FREM1: variants seen among roughly 807,000 people sequenced by gnomAD.
FREM1 encodes FRAS1 related extracellular matrix 1.
FREM1 carries 220 observed loss-of-function variants against 210.1 expected under a neutral mutation model. The observed-to-expected ratio is 1.05, with a 90% confidence interval of 0.94 to 1.17. The LOEUF (loss-of-function observed/expected upper bound fraction) is 1.17. Among genes scored for constraint, FREM1 ranks in the 50% most tolerant of loss-of-function variants. FREM1 has a pLI of 0.00. For synonymous variants in FREM1, 1,189 were observed against 980.2 expected (o/e 1.21, Z -3.98); for missense variants, 3,454 against 2,675.5 (o/e 1.29, Z -6.42).
chr9:14,894,672 T>C (rs1334682461), intron 1 of FREM1, among the ~76,000 whole-genome samples: 2 of 152,242 alleles, frequency 1.3e-5, no homozygotes, highest in African/African-American at 4.8e-5. Flanking sequence ...AAGAAAACTT[T>C]TCTATTAAGC....
rs1420959223 is a variant in FREM1, at chr9:14,805,036, G to A, written c.3391C>T (p.His1131Tyr). ...ATAGAAAATGGTATCTCCAAGGAGTGATGCTTCCCATCTGTGACGTACACC... is the reference window on the plus strand; with the variant it reads ...ATAGAAAATGGTATCTCCAAGGAGTAATGCTTCCCATCTGTGACGTACACC... ...FTVYVTDGKH[H>Y]SLEIPFSIII... Residue 1131 changes from histidine (H) to tyrosine (Y), a missense_variant, in exon 19 of 37, where the codon CAC becomes TAC. Physicochemically the swap from His to Tyr is moderately conservative, Grantham distance 83. Transcript: ENST00000380880. The A allele has an allele frequency of 6.2e-7, 1 of 1,613,430 alleles. No individual in the cohort carries two copies. The highest frequency in any genetic ancestry group is 8.5e-7 in the Non-Finnish European group (1 of 1,179,484).
intron 1 of FREM1, among the ~76,000 whole-genome samples, chr9:14,880,620 AAG>A (rs1268554693): frequency 6.6e-6 from 1 of 150,456 alleles, no homozygotes; most frequent in African/African-American, 2.5e-5. Context: ...AAAAAAAAAA[AAG>A]TACAAAAATT....
chr9:14,891,599 T>C (rs1275295515), intron 1 of FREM1, among the ~76,000 whole-genome samples: 1 of 152,104 alleles, frequency 6.6e-6, no homozygotes, highest in Non-Finnish European at 1.5e-5. Context: ...GTAAGTGCAG[T>C]AATGGTGAGA....
chr9:14,772,840 A>C (rs190455087), intron 25 of FREM1, among the ~76,000 whole-genome samples: 8 of 152,332 alleles, frequency 5.3e-5, no homozygotes, highest in Non-Finnish European at 1.0e-4. Context: ...GTTGATACTA[A>C]ATGAATAGTT....
intron 3 of FREM1, 26 bp from the exon 4 acceptor site, chr9:14,859,510 A>G (rs755927218): frequency 5.1e-6 from 8 of 1,582,242 alleles, no homozygotes; most frequent in African/African-American, 1.3e-5. Flanking sequence ...GGCAAAAGCA[A>G]TATTAATTGG....
chr9:14,898,718 G>A (rs1838223910), intron 1 of FREM1, among the ~76,000 whole-genome samples: 6 of 152,136 alleles, frequency 3.9e-5, no homozygotes, highest in Non-Finnish European at 8.8e-5. Context: ...TTCCAGCCTG[G>A]GCGACAGAGA....
At chr9:14,883,029 A>G (rs1009642186) in intron 1 of FREM1, among the ~76,000 whole-genome samples, 5 of 151,866 alleles carry the variant, frequency 3.3e-5, no homozygotes, top group African/African-American at 1.2e-4. Flanking sequence ...TAACATTATT[A>G]TTACAAAATA....
chr9:14,797,712 T>C (rs1008055173), intron 20 of FREM1, 70 bp from the exon 21 acceptor site: 18 of 1,317,460 alleles, frequency 1.4e-5, no homozygotes, highest in Non-Finnish European at 1.6e-5. Flanking sequence ...TCACAGATAA[T>C]GTCTTAATTT....
rs377328964 is a variant in FREM1, at chr9:14,801,888, C to G, written c.3472-14G>C. 1.5e-5 allele frequency: 24 copies of G among 1,579,390 alleles called. No individual in the cohort carries two copies. Among genetic ancestry groups the G allele is most frequent in the Non-Finnish European group, 2.1e-5 (24 of 1,158,592 alleles). The stretch of plus-strand genomic sequence containing the variant: ...ACCCTCACACACCTGAGCAAGAACA[C>G]ATGAGAAAAGTCAACAATGCATAAA... On this transcript the variant is annotated splice_polypyrimidine_tract_variant and intron_variant, in intron 19 of 36. Transcript: ENST00000380880.
rs1785209428 is a variant in FREM1 at position 14,751,420 on chromosome 9, G to A, written c.5408-1144C>T. 1.3e-5 allele frequency among the ~76,000 whole-genome samples: 2 copies of A among 152,104 alleles called. 1 individual carries two copies. Among genetic ancestry groups the A allele is most frequent in the Non-Finnish European group, 2.9e-5 (2 of 68,014 alleles). On this transcript the variant is annotated intron_variant, in intron 29 of 36. Coordinates refer to ENST00000380880, the MANE Select transcript of FREM1 (RefSeq NM_001379081.2). ...TCCCAGCACTTTGGCAGGCCAAGGC[G>A]GGCAGATCACTTGAGCTCAGGAGTT...
chr9:14,761,202 G>A lies in FREM1; in HGVS notation c.5205-1301C>T, dbSNP rs116717417. Among the ~76,000 whole-genome samples the A allele has an allele frequency of 5.1e-3, 784 of 152,238 alleles. 7 individuals carry two copies. Among genetic ancestry groups the A allele is most frequent in the African/African-American group, 0.018 (743 of 41,548 alleles). The stretch of plus-strand genomic sequence containing the variant: ...GGAAGTTTGTCTTCAAATAACCACT[G>A]TGTCCACACTGATCATGTGTCATAA... On this transcript the variant is annotated intron_variant, in intron 27 of 36. Transcript: ENST00000380880.
intron 5 of FREM1, among the ~76,000 whole-genome samples, chr9:14,854,260 A>C (rs1436324917): frequency 1.3e-5 from 2 of 152,224 alleles, no homozygotes; most frequent in Non-Finnish European, 2.9e-5. Context: ...TTTTTTAATT[A>C]GCAAGAAAGC....
rs1824626524 is a variant in FREM1 at position 14,836,427 on chromosome 9, G to T, written c.1881+5020C>A. Among the ~76,000 whole-genome samples the T allele has an allele frequency of 6.6e-6, 1 of 152,152 alleles. No individual in the cohort carries two copies. Among genetic ancestry groups the T allele is most frequent in the South Asian group, 2.1e-4 (1 of 4,830 alleles). ...GATGCACTTTTAAATGAAACATGCT[G>T]CTTTTGGATTAACACCTAGTAAAGG... On this transcript the variant is annotated intron_variant, in intron 10 of 36. Transcript: ENST00000380880. This position sits in a 1 kb window ranked among gnomAD's most constrained non-coding sequence, Gnocchi z 4.9.
intron 36 of FREM1, among the ~76,000 whole-genome samples, chr9:14,739,473 T>TA (rs1841078567): frequency 1.5e-5 from 2 of 130,182 alleles, no homozygotes; most frequent in African/African-American, 7.4e-5. Context: ...TATATATATA[T>TA]ATAATTCATA....
At chr9:14,901,999 G>C (rs1341007084) in intron 1 of FREM1, among the ~76,000 whole-genome samples, 2 of 150,946 alleles carry the variant, frequency 1.3e-5, no homozygotes, top group Non-Finnish European at 2.9e-5. Context: ...ACAGGCATCT[G>C]TCGCCATGCC....
At position 14,740,201 on chromosome 9, in the gene FREM1, C is replaced by T. The variant is rs771461077; in HGVS notation, c.6288G>A (p.Arg2096=). 1 of 1,613,118 alleles carries T rather than the reference C, an allele frequency of 6.2e-7. No individual in the cohort carries two copies. Among genetic ancestry groups the T allele is most frequent in the African/African-American group, 1.3e-5 (1 of 74,958 alleles). The part of the protein sequence containing the change: ...YLGNLVTVFS[R]QHMRWLWDIG... ...TGTCCCAGAGCCACCGCATGTGCTG[C>T]CTGGAGAATACAGTTACAAGGTTGC... is the stretch of plus-strand genomic sequence containing the variant. The change falls in exon 36 of 37, where the codon AGG becomes AGA. Residue 2096 remains arginine (R), a synonymous_variant. Coordinates refer to ENST00000380880, the MANE Select transcript of FREM1 (RefSeq NM_001379081.2).
Position 14,748,575 on chromosome 9 carries a change from C to T in FREM1, c.5622G>A (p.Trp1874Ter). The change falls in exon 31 of 37, where the codon TGG becomes TGA. Residue 1874 changes from tryptophan (W) to a stop codon, truncating the protein, a stop_gained. Transcript: ENST00000380880. LOFTEE classifies it high-confidence loss of function. ...SKHSTWEKGI[W>*]HLLPPGSSSS... ...AGGAAGACCCTGGGGGCAGCAGATGCCAAATGCCCTTCTCCCATGTGCTGT... is the reference window on the plus strand; with the variant it reads ...AGGAAGACCCTGGGGGCAGCAGATGTCAAATGCCCTTCTCCCATGTGCTGT... The T allele has an allele frequency of 6.2e-7, 1 of 1,613,844 alleles. No homozygotes were observed. The highest frequency in any genetic ancestry group is 8.5e-7 in the Non-Finnish European group (1 of 1,179,798).
intron 1 of FREM1, among the ~76,000 whole-genome samples, chr9:14,876,032 G>A (rs1177949718): frequency 6.6e-6 from 1 of 152,160 alleles, no homozygotes; most frequent in Non-Finnish European, 1.5e-5. Flanking sequence ...TCGTTCCTCT[G>A]GAAGTTTTGT....
chr9:14,750,613 T>G (rs1453418416), intron 29 of FREM1, among the ~76,000 whole-genome samples: 1 of 152,228 alleles, frequency 6.6e-6, no homozygotes, highest in Non-Finnish European at 1.5e-5. Context: ...AAACAAGTAT[T>G]GCAATCTCAA....
Sources: allele counts gnomAD v4.1 joint callset (sites outside exome capture counted in the v4.1 genomes callset), GRCh38; gene constraint gnomAD v4.1.1; non-coding constraint Gnocchi (gnomAD v3.1); transcripts MANE v1.5; gene names NCBI Gene and HGNC (gene_info 2026-07-23, HGNC 2026-07-21).